FBXO21: variants seen among roughly 807,000 people sequenced by gnomAD.
FBXO21 encodes the protein F-box protein 21.
In FBXO21, 32 loss-of-function variants were observed where a neutral mutation model predicts 76.6. The observed-to-expected ratio is 0.42, with a 90% CI of 0.32 to 0.56. The LOEUF is 0.56. Among genes scored for constraint, FBXO21 ranks in the 20% least tolerant of loss-of-function variants. FBXO21 has a pLI of 0.16. For synonymous variants in FBXO21, 328 were observed against 311.5 expected, an observed-to-expected ratio of 1.05 and a Z score of -0.56; for missense variants, 586 against 797.3, an observed-to-expected ratio of 0.73 and a Z score of 3.19.
At position 117,142,488 on chromosome 12, in the gene FBXO21, T is replaced by C. The variant is rs898058423; in HGVS notation, c.*3599A>G. On this transcript the variant is annotated 3_prime_UTR_variant, in exon 12 of 12. Coordinates refer to ENST00000622495, the MANE Select transcript of FBXO21 (RefSeq NM_015002.3). ...CGTGGCCTGCAAAGCCTAAAATCTT[T>C]ACTATCTGCGTCTGCTTTATAGGAT... The C allele has an allele frequency of 1.3e-5, 2 of 152,192 alleles. No individual in the cohort carries two copies. The highest frequency in any genetic ancestry group is 2.9e-5 in the Non-Finnish European group (2 of 68,032). 9.4% of individuals were successfully genotyped at this position (152,192 alleles called of 1,614,324 possible).
chr12:117,169,426 T>A (rs1428841265), intron 7 of FBXO21, among the ~76,000 whole-genome samples: 1 of 152,134 alleles, frequency 6.6e-6, no homozygotes, highest in East Asian at 1.9e-4. Context: ...AGTTTACCTA[T>A]GTAACAAACT....
chr12:117,190,462 C>A lies in FBXO21; in HGVS notation c.-6G>T. On this transcript the variant is annotated 5_prime_UTR_variant, in exon 1 of 12. Transcript: ENST00000622495. ...TCGACTGCTGCCGCCGCCATCTTGT[C>A]CGCGTACCTGGGGCCGCCGCGCGCG... The A allele has an allele frequency of 7.8e-7, 1 of 1,281,248 alleles. No homozygotes were observed. Among genetic ancestry groups the A allele is most frequent in the Non-Finnish European group, 1.0e-6 (1 of 954,642 alleles). 79.4% of individuals were successfully genotyped at this position (1,281,248 alleles called of 1,614,324 possible).
chr12:117,154,968 C>T (rs1955893505), intron 11 of FBXO21: 1 of 152,200 alleles, frequency 6.6e-6, no homozygotes, highest in Non-Finnish European at 1.5e-5. Flanking sequence ...CCTCAGTTTC[C>T]TCACCTAGAA....
At position 117,142,875 on chromosome 12, in the gene FBXO21, G is replaced by A. The variant is rs1367819303; in HGVS notation, c.*3212C>T. On this transcript the variant is annotated 3_prime_UTR_variant, in exon 12 of 12. Coordinates refer to ENST00000622495, the MANE Select transcript of FBXO21 (RefSeq NM_015002.3). Reference sequence around the variant, plus strand: ...ACGGCAGCTCTGCTCAGTTTTCTCCGTGGGGAAAGATCGGAACACTTACAA... The same window carrying A: ...ACGGCAGCTCTGCTCAGTTTTCTCCATGGGGAAAGATCGGAACACTTACAA... 5 of 152,180 alleles carry A rather than the reference G, an allele frequency of 3.3e-5. No homozygotes were observed. The highest frequency in any genetic ancestry group is 1.9e-4 in the East Asian group (1 of 5,188). 9.4% of individuals were successfully genotyped at this position (152,180 alleles called of 1,614,324 possible). A position where few individuals can be genotyped will look rare whatever the true frequency, so the allele number is the denominator to read the frequency against.
At position 117,164,361 on chromosome 12, in the gene FBXO21, C is replaced by A. The variant is rs138624322; in HGVS notation, c.1326+1124G>T. ...GCATGGTATCAGCTCACTGCAACCT[C>A]CGCCTCCTGGGTTCAAGCAATTCTC... On this transcript the variant is annotated intron_variant, in intron 9 of 11. Coordinates refer to ENST00000622495, the MANE Select transcript of FBXO21 (RefSeq NM_015002.3). Among the ~76,000 whole-genome samples the A allele has an allele frequency of 1.8e-3, 274 of 151,298 alleles. 5 individuals are homozygous for A. Among genetic ancestry groups the A allele is most frequent in the East Asian group, 0.015 (77 of 5,090 alleles).
chr12:117,172,724 T>C, intron 6 of FBXO21, 117 bp from the exon 7 acceptor site: 1 of 1,064,246 alleles, frequency 9.4e-7, no homozygotes, highest in Non-Finnish European at 1.3e-6. Context: ...TTTGTGAGGC[T>C]TAAGTGAGTA....
chr12:117,190,196 G>A, intron 1 of FBXO21, 22 bp downstream of exon 1: 1 of 1,268,420 alleles, frequency 7.9e-7, no homozygotes, highest in Non-Finnish European at 9.9e-7. Flanking sequence ...CGCGCAGCCG[G>A]GGCGCGGGGC....
chr12:117,186,675 T>G, intron 2 of FBXO21, 104 bp from the exon 3 acceptor site: 1 of 682,352 alleles, frequency 1.5e-6, no homozygotes, highest in South Asian at 1.8e-5. Context: ...CTAAAGACAG[T>G]GCTAACAGTT....
chr12:117,186,584 C>CATATACAAG lies in FBXO21; in HGVS notation c.376-22_376-14dup. On this transcript the variant is annotated splice_polypyrimidine_tract_variant and intron_variant, in intron 2 of 11. Coordinates refer to ENST00000622495, the MANE Select transcript of FBXO21 (RefSeq NM_015002.3). The stretch of plus-strand genomic sequence containing the variant: ...CATTACAAGGAACCTATGAAGAAGA[C>CATATACAAG]ATATACAAGTAGGCCTCAATTATGA... 6.4e-7 allele frequency: 1 copy of CATATACAAG among 1,560,934 alleles called. No homozygotes were observed. Among genetic ancestry groups the CATATACAAG allele is most frequent in the Non-Finnish European group, 8.8e-7 (1 of 1,138,782 alleles).
Position 117,172,456 on chromosome 12 carries a change from G to A in FBXO21, c.1013+15C>T, listed in dbSNP as rs750561123. 6.2e-7 allele frequency: 1 copy of A among 1,609,092 alleles called. No individual in the cohort carries two copies. The highest frequency in any genetic ancestry group is 1.3e-5 in the African/African-American group (1 of 74,946). On this transcript the variant is annotated intron_variant, in intron 7 of 11. Coordinates refer to ENST00000622495, the MANE Select transcript of FBXO21 (RefSeq NM_015002.3). ...AAATCTTCAGGACCACAGATAATGT[G>A]TCACGGATGCTCACCCTTCTGCGCC... is the stretch of plus-strand genomic sequence containing the variant.
Position 117,145,822 on chromosome 12 carries a change from G to A in FBXO21, c.*265C>T, listed in dbSNP as rs1375986915. 2 of 304,100 alleles carry A rather than the reference G, an allele frequency of 6.6e-6. No homozygotes were observed. The highest frequency in any genetic ancestry group is 6.0e-6 in the Non-Finnish European group (1 of 165,532). 18.8% of individuals were successfully genotyped at this position (304,100 alleles called of 1,614,324 possible). A position where few individuals can be genotyped will look rare whatever the true frequency, so the allele number is the denominator to read the frequency against. ...TCATGAAGACAGAATGTCACAAACT[G>A]TCACCACAGGACAAGCATACAAGCC... On this transcript the variant is annotated 3_prime_UTR_variant, in exon 12 of 12. Transcript: ENST00000622495.
At chr12:117,162,588 C>A (rs1592878375) in intron 9 of FBXO21, among the ~76,000 whole-genome samples, 1 of 152,218 alleles carries the variant, frequency 6.6e-6, no homozygotes, top group African/African-American at 2.4e-5. Flanking sequence ...CATAACCCTG[C>A]ATTACTGTGA....
chr12:117,185,028 G>A (rs1592898430), intron 3 of FBXO21, among the ~76,000 whole-genome samples: 2 of 152,094 alleles, frequency 1.3e-5, no homozygotes, highest in East Asian at 3.8e-4. Flanking sequence ...TAAACAGAGG[G>A]AATGGGGAGG....
chr12:117,177,636 G>A lies in FBXO21; in HGVS notation c.476C>T (p.Ala159Val), dbSNP rs1566006051. The A allele has an allele frequency of 6.2e-6, 10 of 1,611,408 alleles. No homozygotes were observed. Among genetic ancestry groups the A allele is most frequent in the Non-Finnish European group, 8.5e-6 (10 of 1,179,186 alleles). Residue 159 changes from alanine to valine, a missense_variant, in exon 4 of 12, where the codon GCT (alanine) becomes GTT (valine). Ala to Val is a moderately conservative substitution (Grantham distance 64). This residue lies in a region of FBXO21 where 246 missense variants were observed against 356.8 expected (regional missense o/e 0.69). Transcript: ENST00000622495. ...TTTTGCGTAGTATTTCCAGGTCAAA[G>A]CTTTTCTGGAAACAAAAAGTCAGTA... ...VCILNMEGRK[A>V]LTWKYYAKKI... is the part of the protein sequence containing the mutation.
chr12:117,153,174 C>T (rs1216047417), intron 11 of FBXO21, among the ~76,000 whole-genome samples: 1 of 151,852 alleles, frequency 6.6e-6, no homozygotes, highest in Non-Finnish European at 1.5e-5. Flanking sequence ...GGCCGGGAGG[C>T]AGGTGCCAGT....
At position 117,147,986 on chromosome 12, in the gene FBXO21, G is replaced by A. The variant is rs143850390; in HGVS notation, c.1676-1709C>T. Among the ~76,000 whole-genome samples the A allele has an allele frequency of 6.5e-3, 990 of 152,316 alleles. 14 individuals carry two copies. The highest frequency in any genetic ancestry group is 6.9e-3 in the Non-Finnish European group (469 of 68,036). On this transcript the variant is annotated intron_variant, in intron 11 of 11. Transcript: ENST00000622495. ...CGATGGGCTCACCGACACGAACAGCGTGGCCTATTATTTCTTAAACAGCTG... is the reference window on the plus strand; with the variant it reads ...CGATGGGCTCACCGACACGAACAGCATGGCCTATTATTTCTTAAACAGCTG...
At chr12:117,187,277 A>G (rs545134528) in intron 2 of FBXO21, among the ~76,000 whole-genome samples, 53 of 151,342 alleles carry the variant, frequency 3.5e-4, no homozygotes, top group Non-Finnish European at 6.9e-4. Flanking sequence ...AAAATTAGCC[A>G]GGCGTAGTGG....
chr12:117,190,437 T>G lies in FBXO21; in HGVS notation c.20A>C (p.Asp7Ala). Residue 7 changes from aspartate (D) to alanine (A), a missense_variant, in exon 1 of 12, where the codon GAC (aspartate) becomes GCC (alanine). Transcript: ENST00000622495. ...CGCCGGCACCACCTCCATCGCGCTGTCGACTGCTGCCGCCGCCATCTTGTC... is the reference window on the plus strand; with the variant it reads ...CGCCGGCACCACCTCCATCGCGCTGGCGACTGCTGCCGCCGCCATCTTGTC... MAAAAV[D>A]SAMEVVPALA... is the part of the protein sequence containing the mutation. The G allele has an allele frequency of 1.4e-6, 2 of 1,402,762 alleles. 1 individual carries two copies. The highest frequency in any genetic ancestry group is 2.6e-5 in the South Asian group (2 of 76,078). 86.9% of individuals were successfully genotyped at this position (1,402,762 alleles called of 1,614,324 possible). A position where few individuals can be genotyped will look rare whatever the true frequency, so the allele number is the denominator to read the frequency against.
chr12:117,190,256 C>G lies in FBXO21; in HGVS notation c.201G>C (p.Gln67His). The G allele has an allele frequency of 1.3e-6, 2 of 1,545,914 alleles. No individual in the cohort carries two copies. The highest frequency in any genetic ancestry group is 1.2e-5 in the South Asian group (1 of 84,518). The change falls in exon 1 of 12, where the codon CAG becomes CAC. Residue 67 changes from glutamine to histidine, a missense_variant. Physicochemically the swap from Gln to His is conservative, Grantham distance 24 (BLOSUM62 0). Coordinates refer to ENST00000622495, the MANE Select transcript of FBXO21 (RefSeq NM_015002.3). The stretch of plus-strand genomic sequence containing the variant: ...GCTCCTTCCACACCTTCCCGCTGCT[C>G]TGGCACAGCTCGCGCAGCCGCCGGC... ...STCRRLRELC[Q>H]SSGKVWKEQF...
Sources: gnomAD v4.1 joint callset for allele counts (sites outside exome capture counted in the v4.1 genomes callset) on GRCh38, gnomAD v4.1.1 for gene constraint, gnomAD v4.1.1 regional missense constraint, MANE v1.5 for transcripts, NCBI Gene and HGNC (gene_info 2026-07-23, HGNC 2026-07-21) for gene names.